The following EYS variants were observed in gnomAD, a reference collection of about 807,000 sequenced individuals.
The protein encoded by EYS is protein eyes shut homolog.
EYS carries 250 observed loss-of-function variants against 282.1 expected under a neutral mutation model. The ratio of observed to expected loss-of-function variants is 0.89; its 90% CI spans 0.80 to 0.98. The LOEUF (loss-of-function observed/expected upper bound fraction) is 0.98, where lower values mean the gene tolerates loss of function less well. Among genes scored for constraint, EYS ranks in the 50% least tolerant of loss-of-function variants. EYS has a pLI of 0.00. For missense variants in EYS, 4,016 were observed against 3,709.0 expected, an observed-to-expected ratio of 1.08 and a Z score of -2.15; for synonymous variants, 1,355 against 1,282.9, an observed-to-expected ratio of 1.06 and a Z score of -1.20.
intron 22 of EYS, among the ~76,000 whole-genome samples, chr6:64,650,599 A>G (rs1768522632): frequency 6.7e-6 from 1 of 149,888 alleles, no homozygotes. Context: ...AACTTACAAT[A>G]TTGTTTTGAG....
intron 14 of EYS, among the ~76,000 whole-genome samples, chr6:64,957,217 T>C (rs1769739530): frequency 6.6e-6 from 1 of 152,152 alleles, no homozygotes; most frequent in African/African-American, 2.4e-5. Flanking sequence ...GCAGTACACA[T>C]GCACAATGGC....
At chr6:65,141,245 A>G (rs1764331683) in intron 12 of EYS, among the ~76,000 whole-genome samples, 1 of 152,050 alleles carries the variant, frequency 6.6e-6, no homozygotes, top group African/African-American at 2.4e-5. Context: ...CACAAGGACA[A>G]AAAACCAAAC....
intron 26 of EYS, among the ~76,000 whole-genome samples, chr6:64,561,962 A>G (rs1765409666): frequency 6.6e-6 from 1 of 151,650 alleles, no homozygotes; most frequent in South Asian, 2.1e-4. Context: ...AAGCAAAAAG[A>G]ACAAAACTGG....
intron 37 of EYS, among the ~76,000 whole-genome samples, chr6:63,799,318 A>C (rs1182595651): frequency 3.3e-5 from 5 of 151,678 alleles, no homozygotes; most frequent in Non-Finnish European, 7.4e-5. Flanking sequence ...CCGGCTCCTA[A>C]ATTTTTTTTA....
At chr6:64,665,934 G>GC (rs56159514) in intron 22 of EYS, among the ~76,000 whole-genome samples, 138,598 of 152,182 alleles carry the variant, frequency 0.91, 64,135 homozygotes, top group Non-Finnish European at 1. Flanking sequence ...GTGGCTGGAG[G>GC]CCAGGAACTT....
intron 8 of EYS, among the ~76,000 whole-genome samples, chr6:65,365,416 A>G (rs11758725): frequency 0.68 from 102,550 of 151,238 alleles, 35,022 homozygotes; most frequent in South Asian, 0.71. Flanking sequence ...CTCTGTCTCC[A>G]TCTCCTGTAT....
At chr6:65,695,785 T>C (rs896060385) in intron 1 of EYS, among the ~76,000 whole-genome samples, 1 of 152,014 alleles carries the variant, frequency 6.6e-6, no homozygotes, top group Non-Finnish European at 1.5e-5. Flanking sequence ...ACTATCTTTA[T>C]AGTCAAGTAT....
At chr6:65,414,729 GTTAA>G (rs1767164897) in intron 5 of EYS, among the ~76,000 whole-genome samples, 2 of 152,172 alleles carry the variant, frequency 1.3e-5, no homozygotes, top group African/African-American at 4.8e-5. Context: ...TTTATAGGCA[GTTAA>G]TTAGAGTGAT....
chr6:65,086,771 C>T (rs138677860), intron 12 of EYS, among the ~76,000 whole-genome samples: 174 of 151,718 alleles, frequency 1.1e-3, no homozygotes, highest in African/African-American at 3.9e-3. Context: ...CACATAAATA[C>T]AGATATATAT....
chr6:65,349,333 T>G (rs1373634628), intron 9 of EYS, among the ~76,000 whole-genome samples: 2 of 151,548 alleles, frequency 1.3e-5, no homozygotes, highest in Non-Finnish European at 3.0e-5. Flanking sequence ...TGGCTTTATT[T>G]GTCTTTTATT....
chr6:64,352,005 A>T (rs73764070), intron 29 of EYS, among the ~76,000 whole-genome samples: 5,538 of 151,672 alleles, frequency 0.037, 321 homozygotes, highest in African/African-American at 0.13. Flanking sequence ...TTTAAACTTC[A>T]GTCATTCACA....
At chr6:65,248,467 C>T (rs545269101) in intron 12 of EYS, among the ~76,000 whole-genome samples, 34 of 152,050 alleles carry the variant, frequency 2.2e-4, no homozygotes, top group Non-Finnish European at 4.1e-4. Flanking sequence ...ATTTTCCCCA[C>T]AGTGAAATGA....
intron 22 of EYS, among the ~76,000 whole-genome samples, chr6:64,664,897 C>A (rs1769175976): frequency 6.6e-6 from 1 of 152,092 alleles, no homozygotes; most frequent in Non-Finnish European, 1.5e-5. Flanking sequence ...TATATAGCAA[C>A]CTGAACAGAC....
chr6:65,169,400 G>T (rs1765051465), intron 12 of EYS, among the ~76,000 whole-genome samples: 1 of 151,330 alleles, frequency 6.6e-6, no homozygotes, highest in Non-Finnish European at 1.5e-5. Context: ...ATATTTAATT[G>T]CTATATCTAA....
chr6:64,705,726 A>C (rs1242594296), intron 22 of EYS, among the ~76,000 whole-genome samples: 1 of 150,382 alleles, frequency 6.6e-6, no homozygotes, highest in African/African-American at 2.5e-5. Flanking sequence ...CTATCGCAAG[A>C]ACAAAAAACC....
chr6:65,568,315 T>C (rs1051619335), intron 2 of EYS, among the ~76,000 whole-genome samples: 1 of 151,734 alleles, frequency 6.6e-6, no homozygotes, highest in African/African-American at 2.4e-5. Flanking sequence ...TTTCTTTTTT[T>C]TTTTTGTAAC....
chr6:63,767,095 C>T (rs1360450240), intron 40 of EYS, among the ~76,000 whole-genome samples: 1 of 152,014 alleles, frequency 6.6e-6, no homozygotes, highest in Non-Finnish European at 1.5e-5. Context: ...ATAATGAGAG[C>T]AGTCTATGAC....
intron 31 of EYS, among the ~76,000 whole-genome samples, chr6:64,212,773 G>T (rs899962010): frequency 3.3e-5 from 5 of 151,986 alleles, no homozygotes; most frequent in African/African-American, 1.2e-4. Flanking sequence ...ATACCCAAAA[G>T]AATATAAATG....
intron 33 of EYS, among the ~76,000 whole-genome samples, chr6:64,008,169 C>A (rs1466133153): frequency 1.3e-5 from 2 of 152,104 alleles, no homozygotes; most frequent in Non-Finnish European, 2.9e-5. Flanking sequence ...GTGATAGGTG[C>A]ATATATATTT....
Sources: gnomAD v4.1 joint callset for allele counts (sites outside exome capture counted in the v4.1 genomes callset) on GRCh38, gnomAD v4.1.1 for gene constraint, MANE v1.5 for transcripts, NCBI Gene and HGNC (gene_info 2026-07-23, HGNC 2026-07-21) for gene names.